The following TCF12 variants were observed in gnomAD, a reference collection of about 807,000 sequenced individuals.
TCF12 encodes the protein transcription factor 12, also known as DNA-binding protein HTF4.
In TCF12, 45 loss-of-function variants were observed where a neutral mutation model predicts 86.0. That is an observed-to-expected ratio of 0.52 (90% CI 0.41 to 0.67). The LOEUF (loss-of-function observed/expected upper bound fraction) is 0.67, where lower values mean the gene tolerates loss of function less well. TCF12 is among the 30% of genes least tolerant of loss of function. TCF12 has a pLI of 0.00. For missense variants in TCF12, 881 were observed against 859.9 expected, an observed-to-expected ratio of 1.02 and a Z score of -0.31; for synonymous variants, 330 against 299.6, an observed-to-expected ratio of 1.10 and a Z score of -1.05.
intron 5 of TCF12, among the ~76,000 whole-genome samples, chr15:57,147,608 G>T (rs562262152): frequency 6.6e-6 from 1 of 152,092 alleles, no homozygotes; most frequent in African/African-American, 2.4e-5. Flanking sequence ...CTATAAAGGT[G>T]CAGTTAAATC....
chr15:57,040,585 G>C (rs563752658), intron 3 of TCF12, among the ~76,000 whole-genome samples: 1 of 152,306 alleles, frequency 6.6e-6, no homozygotes, highest in South Asian at 2.1e-4. Context: ...CTGTTTTTAG[G>C]CTGGTATTCA....
At chr15:57,171,493 A>G (rs1367496707) in intron 6 of TCF12, among the ~76,000 whole-genome samples, 4 of 152,200 alleles carry the variant, frequency 2.6e-5, no homozygotes, top group Admixed American at 6.5e-5. Flanking sequence ...TTATACCCAA[A>G]CACCACATTA....
At chr15:56,995,067 C>G (rs1596015189) in intron 3 of TCF12, among the ~76,000 whole-genome samples, 2 of 151,522 alleles carry the variant, frequency 1.3e-5, no homozygotes. Flanking sequence ...CCAAATAGAC[C>G]CTGAAAAGTT....
chr15:57,131,557 A>G (rs1447216363), intron 5 of TCF12, among the ~76,000 whole-genome samples: 2 of 152,208 alleles, frequency 1.3e-5, no homozygotes, highest in Admixed American at 6.5e-5. Flanking sequence ...GTATCCTCAT[A>G]AAAGCAATCA....
At chr15:57,036,749 C>G (rs114024300) in intron 3 of TCF12, among the ~76,000 whole-genome samples, 1,752 of 152,070 alleles carry the variant, frequency 0.012, 32 homozygotes, top group African/African-American at 0.04. Flanking sequence ...AATACAAATT[C>G]CTTATGTAAT....
intron 4 of TCF12, among the ~76,000 whole-genome samples, chr15:57,074,954 T>C (rs2069756420): frequency 6.6e-6 from 1 of 152,226 alleles, no homozygotes; most frequent in Non-Finnish European, 1.5e-5. Flanking sequence ...GTATTTTTGT[T>C]GTCATATACT....
At chr15:57,190,609 A>G (rs1481437304) in intron 6 of TCF12, among the ~76,000 whole-genome samples, 1 of 151,986 alleles carries the variant, frequency 6.6e-6, no homozygotes, top group Non-Finnish European at 1.5e-5. Context: ...CTGTGATCCT[A>G]TTTCATCTCA....
intron 16 of TCF12, among the ~76,000 whole-genome samples, chr15:57,258,527 G>T (rs2060449990): frequency 6.6e-6 from 1 of 152,164 alleles, no homozygotes; most frequent in Non-Finnish European, 1.5e-5. Context: ...GAAGCTTGAT[G>T]CAGATCTAAA....
chr15:57,273,323 T>C, intron 19 of TCF12, 61 bp downstream of exon 19: 2 of 1,522,400 alleles, frequency 1.3e-6, no homozygotes, highest in South Asian at 2.3e-5. Flanking sequence ...CATTTCTGTT[T>C]ACAGTTGCTC....
chr15:57,080,660 T>G (rs2070556228), intron 4 of TCF12, among the ~76,000 whole-genome samples: 1 of 152,214 alleles, frequency 6.6e-6, no homozygotes, highest in Non-Finnish European at 1.5e-5. Flanking sequence ...CAAAAGATTT[T>G]GATATCTCTG....
chr15:57,159,579 A>T (rs1414164777), intron 5 of TCF12, among the ~76,000 whole-genome samples: 2 of 152,240 alleles, frequency 1.3e-5, no homozygotes, highest in African/African-American at 4.8e-5. Context: ...TGAAAAGTAA[A>T]TATGGAAAAG....
intron 5 of TCF12, among the ~76,000 whole-genome samples, chr15:57,135,406 G>A (rs1462662552): frequency 6.6e-6 from 1 of 152,110 alleles, no homozygotes; most frequent in Non-Finnish European, 1.5e-5. Flanking sequence ...TGTATATTTA[G>A]CACATTAAAG....
At chr15:57,199,348 T>C (rs2057423387) in intron 8 of TCF12, among the ~76,000 whole-genome samples, 1 of 152,148 alleles carries the variant, frequency 6.6e-6, no homozygotes, top group African/African-American at 2.4e-5. Flanking sequence ...TGCTAAAACA[T>C]GTAGCAGTGC....
chr15:57,003,299 G>A (rs1242295882), intron 3 of TCF12, among the ~76,000 whole-genome samples: 1 of 152,164 alleles, frequency 6.6e-6, no homozygotes, highest in Non-Finnish European at 1.5e-5. Context: ...TGAGCATCTG[G>A]TCACAGCATT....
At chr15:57,135,074 C>A (rs1336253058) in intron 5 of TCF12, among the ~76,000 whole-genome samples, 14 of 151,992 alleles carry the variant, frequency 9.2e-5, no homozygotes, top group African/African-American at 3.4e-4. Context: ...GAATGTGTAC[C>A]CATGCCATAT....
At position 57,247,748 on chromosome 15, in the gene TCF12, T is replaced by C. The variant is rs543779523; in HGVS notation, c.1115-3602T>C. 381 of 735,714 alleles carry C rather than the reference T, an allele frequency of 5.2e-4. No homozygotes were observed. The African/African-American group carries it at 6.0e-3, about 12-fold the overall frequency. The allele number at this position is 735,714 out of a possible 1,614,324, so 45.6% of individuals were successfully genotyped here. A position where few individuals can be genotyped will look rare whatever the true frequency, so the allele number is the denominator to read the frequency against. On this transcript the variant is annotated intron_variant, in intron 13 of 20. Coordinates refer to ENST00000333725, the MANE Select transcript of TCF12 (RefSeq NM_207037.2). ...TCTCTTTGGTTCCACTACACACCTG[T>C]CAGCCTTGTGTGGTCTAGCACACCT...
At chr15:57,248,052 A>G (rs764852856) in intron 13 of TCF12, 2 of 703,258 alleles carry the variant, frequency 2.8e-6, no homozygotes, top group African/African-American at 1.7e-5. Context: ...TTTTGAGACC[A>G]GACAACTGGA....
At chr15:57,039,162 T>G in intron 3 of TCF12, among the ~76,000 whole-genome samples, 1 of 152,214 alleles carries the variant, frequency 6.6e-6, no homozygotes, top group Non-Finnish European at 1.5e-5. Flanking sequence ...ATTAATTTGT[T>G]TAAAGGTACA....
chr15:57,232,354 G>A lies in TCF12; in HGVS notation c.749G>A (p.Gly250Asp). 1.9e-6 allele frequency: 3 copies of A among 1,613,930 alleles called. No individual in the cohort carries two copies. The highest frequency in any genetic ancestry group is 2.5e-6 in the Non-Finnish European group (3 of 1,179,914). ...AATGGGATGAGCCAGCCTGGTTTTG[G>A]TGGAATTCTGGGGACCTCCACTTCC... is the stretch of plus-strand genomic sequence containing the variant. ...SSNGMSQPGF[G>D]GILGTSTSHM... is the part of the protein sequence containing the mutation. The change falls in exon 10 of 21, where the codon GGT becomes GAT. Residue 250 changes from glycine (G) to aspartate (D), a missense_variant. Gly to Asp is a moderately conservative substitution (Grantham distance 94). Around this residue, in one of 3 missense-constraint regions of TCF12, gnomAD observed 766 missense variants for 718.9 expected, o/e 1.07. Coordinates refer to ENST00000333725, the MANE Select transcript of TCF12 (RefSeq NM_207037.2).
Sources: gnomAD v4.1 joint callset for allele counts (sites outside exome capture counted in the v4.1 genomes callset) on GRCh38, gnomAD v4.1.1 for gene constraint, gnomAD v4.1.1 regional missense constraint, MANE v1.5 for transcripts, NCBI Gene and HGNC (gene_info 2026-07-23, HGNC 2026-07-21) for gene names.